The following ESRRG variants were observed in gnomAD, a reference collection of about 807,000 sequenced individuals.
ESRRG encodes the protein estrogen-related receptor gamma.
In ESRRG, 13 loss-of-function variants were observed where a neutral mutation model predicts 44.0. The ratio of observed to expected loss-of-function variants is 0.30; its 90% CI spans 0.19 to 0.47. The LOEUF (loss-of-function observed/expected upper bound fraction) is 0.47, where lower values mean the gene tolerates loss of function less well. Among genes scored for constraint, ESRRG ranks in the 20% least tolerant of loss-of-function variants. ESRRG has a pLI of 1.00. For missense variants in ESRRG, 395 were observed against 580.6 expected, an observed-to-expected ratio of 0.68 and a Z score of 3.29; for synonymous variants, 215 against 214.6, an observed-to-expected ratio of 1.00 and a Z score of -0.02.
rs79797300 is a variant in ESRRG, at chr1:216,751,990, C to G, written c.-13-74499G>C. On this transcript the variant is annotated intron_variant, in intron 2 of 7. Transcript: ENST00000359162. ...GCTCTGCCATCTGGTCGTCCACTCT[C>G]TACACGATAAAGGCCATCATCCTTG... Among the ~76,000 whole-genome samples, 226 of 152,202 alleles carry G rather than the reference C, an allele frequency of 1.5e-3. 5 individuals are homozygous for G. In the East Asian group the frequency reaches 0.039, roughly 26 times the overall value.
At chr1:216,586,648 C>A (rs944362301) in intron 3 of ESRRG, among the ~76,000 whole-genome samples, 2 of 148,332 alleles carry the variant, frequency 1.3e-5, no homozygotes, top group Non-Finnish European at 3.0e-5. Flanking sequence ...ACCATCTCGG[C>A]TTACTGCAAC....
At chr1:216,574,355 A>T (rs2149707045) in intron 3 of ESRRG, among the ~76,000 whole-genome samples, 1 of 152,272 alleles carries the variant, frequency 6.6e-6, no homozygotes, top group South Asian at 2.1e-4. Context: ...GAGTAAAAAA[A>T]ATGCTGTGAG....
intron 2 of ESRRG, among the ~76,000 whole-genome samples, chr1:216,803,951 G>T (rs1214442718): frequency 1.3e-5 from 2 of 151,754 alleles, no homozygotes; most frequent in Non-Finnish European, 2.9e-5. Context: ...CTGGCCAAAA[G>T]GTTCTAACAC....
intron 6 of ESRRG, 31 bp from the exon 7 acceptor site, chr1:216,507,214 T>TATA (rs1403071543): frequency 1.3e-6 from 2 of 1,484,262 alleles, no homozygotes; most frequent in Non-Finnish European, 1.8e-6. Context: ...TATGAGTAAT[T>TATA]ATAATAATAA....
intron 2 of ESRRG, among the ~76,000 whole-genome samples, chr1:216,764,639 A>G (rs985023627): frequency 5.9e-5 from 9 of 152,026 alleles, no homozygotes; most frequent in Admixed American, 5.9e-4. Context: ...ATGGGACTAT[A>G]GGTGTGTGCT....
In ESRRG at chr1:216,625,716, T is replaced by C. The variant is rs151038620; in HGVS notation, c.589+25257A>G. On this transcript the variant is annotated intron_variant, in intron 3 of 6. Coordinates refer to ENST00000408911, the MANE Select transcript of ESRRG (RefSeq NM_001438.4). ...TTCGTGTCCATCATTATCTGTAAGA[T>C]GGGGATAATAATATCTATTTCATAC... Among the ~76,000 whole-genome samples, 126 of 152,324 alleles carry C rather than the reference T, an allele frequency of 8.3e-4. 2 individuals carry two copies. The highest frequency in any genetic ancestry group is 2.8e-3 in the African/African-American group (116 of 41,578).
rs1369426796 is a variant in ESRRG, at chr1:216,876,307, C to A, written c.-14+63275G>T. ...AACATTTTTGAAAAGTTTTAAATAA[C>A]AAATAGTCACATATATAAAGTTATG... On this transcript the variant is annotated intron_variant, in intron 2 of 7. Transcript: ENST00000359162. Among the ~76,000 whole-genome samples the A allele has an allele frequency of 2.6e-5, 4 of 151,996 alleles. No individual in the cohort carries two copies. The East Asian group carries it at 5.8e-4, about 22-fold the overall frequency.
intron 1 of ESRRG, among the ~76,000 whole-genome samples, chr1:216,963,861 G>A (rs1168126993): frequency 6.6e-6 from 1 of 152,114 alleles, no homozygotes; most frequent in African/African-American, 2.4e-5. Context: ...ATTACTCAAA[G>A]CCACATTAGG....
intron 1 of ESRRG, among the ~76,000 whole-genome samples, chr1:217,016,281 CT>C (rs925661496): frequency 2.1e-4 from 31 of 150,838 alleles, no homozygotes; most frequent in African/African-American, 6.8e-4. Flanking sequence ...GTGCCATTTC[CT>C]TTTTTTTTAA....
At chr1:216,533,944 C>T (rs2050151415) in intron 5 of ESRRG, among the ~76,000 whole-genome samples, 1 of 152,096 alleles carries the variant, frequency 6.6e-6, no homozygotes, top group African/African-American at 2.4e-5. Context: ...CGTAATTCAT[C>T]CTCAGCTGGA....
In ESRRG at chr1:216,844,561, C is replaced by T. The variant is rs934266439; in HGVS notation, c.-14+95021G>A. ...GCAGCTTCTTCCTGTCATCCAAGTG[C>T]ACCACGCTCCTCCTCCATTAAGGCC... On this transcript the variant is annotated intron_variant, in intron 2 of 7. Transcript: ENST00000359162. 2.0e-5 allele frequency among the ~76,000 whole-genome samples: 3 copies of T among 152,016 alleles called. No individual in the cohort carries two copies. In the East Asian group the frequency reaches 5.8e-4, roughly 29 times the overall value.
At chr1:216,990,979 G>T (rs1439382493) in intron 1 of ESRRG, among the ~76,000 whole-genome samples, 1 of 152,098 alleles carries the variant, frequency 6.6e-6, no homozygotes, top group South Asian at 2.1e-4. Flanking sequence ...GGCCTGTTAG[G>T]AAACTGGTTG....
At chr1:216,987,483 G>T (rs1331583283) in intron 1 of ESRRG, among the ~76,000 whole-genome samples, 1 of 152,218 alleles carries the variant, frequency 6.6e-6, no homozygotes, top group Non-Finnish European at 1.5e-5. Context: ...GGGATGTGAT[G>T]ATACCATTAC....
chr1:216,662,627 G>A (rs572181493), intron 2 of ESRRG, among the ~76,000 whole-genome samples: 17 of 106,176 alleles, frequency 1.6e-4, no homozygotes, highest in Non-Finnish European at 2.4e-4. Flanking sequence ...CAGGGAGAGT[G>A]GGGGGGTTCC....
At chr1:217,116,743 T>C (rs369493936) in intron 1 of ESRRG, among the ~76,000 whole-genome samples, 6 of 152,226 alleles carry the variant, frequency 3.9e-5, no homozygotes, top group African/African-American at 9.6e-5. Flanking sequence ...ATTTGGCTGC[T>C]TTCCCTCCTC....
Position 216,519,255 on chromosome 1 carries a change from A to C in ESRRG, c.1029T>G (p.Leu343=), listed in dbSNP as rs2045326150. 1.9e-6 allele frequency: 3 copies of C among 1,613,860 alleles called. No individual in the cohort carries two copies. The East Asian group carries it at 6.7e-5, about 36-fold the overall frequency. Reference sequence around the variant, plus strand: ...GCTGCAGGATAGCATTATTTAGATCAAGAAGGCCTGCTAATTTGGACTGGT... The same window carrying C: ...GCTGCAGGATAGCATTATTTAGATCCAGAAGGCCTGCTAATTTGGACTGGT... ...DEDQSKLAGL[L]DLNNAILQLV... Residue 343 remains leucine (L), a synonymous_variant, in exon 6 of 7, where the codon CTT becomes CTG. Coordinates refer to ENST00000408911, the MANE Select transcript of ESRRG (RefSeq NM_001438.4).
At chr1:216,870,736 A>T (rs1055547574) in intron 2 of ESRRG, among the ~76,000 whole-genome samples, 1 of 152,008 alleles carries the variant, frequency 6.6e-6, no homozygotes, top group African/African-American at 2.4e-5. Flanking sequence ...ATTTTCAAAA[A>T]ATATGTTCAT....
chr1:216,512,529 T>G (rs1571999579), intron 6 of ESRRG, among the ~76,000 whole-genome samples: 1 of 152,084 alleles, frequency 6.6e-6, no homozygotes, highest in African/African-American at 2.4e-5. Context: ...TTAAAAAAAC[T>G]ATAATAAAAT....
chr1:217,123,743 G>A (rs2092853450), intron 1 of ESRRG, among the ~76,000 whole-genome samples: 1 of 152,046 alleles, frequency 6.6e-6, no homozygotes. Flanking sequence ...ACACACACTG[G>A]AGCCTGTTAG....
Sources: gnomAD v4.1 joint callset for allele counts (sites outside exome capture counted in the v4.1 genomes callset) on GRCh38, gnomAD v4.1.1 for gene constraint, MANE v1.5 for transcripts, NCBI Gene and HGNC (gene_info 2026-07-23, HGNC 2026-07-21) for gene names.